The following USP47 variants were observed in gnomAD, a reference collection of about 807,000 sequenced individuals.
USP47 encodes the protein ubiquitin carboxyl-terminal hydrolase 47.
A neutral mutation model predicts 165.1 loss-of-function variants in USP47; 35 were observed. The observed-to-expected ratio is 0.21, with a 90% CI of 0.16 to 0.28. The LOEUF (loss-of-function observed/expected upper bound fraction) is 0.28, where lower values mean the gene tolerates loss of function less well. Ranked by LOEUF, USP47 falls within the 10% of genes least tolerant of loss-of-function variation. USP47 has a pLI of 1.00. For synonymous variants in USP47, 531 were observed against 544.5 expected, an observed-to-expected ratio of 0.98 and a Z score of 0.35; for missense variants, 1,277 against 1,607.4, an observed-to-expected ratio of 0.79 and a Z score of 3.52.
rs1856560546 is a variant in USP47, at chr11:11,956,396, A to G, written c.*221A>G. The stretch of plus-strand genomic sequence containing the variant: ...TAGTCAAATGTACTGTAAAGTGAAA[A>G]GGGATGTGCAAAAAAATAAAAAAAA... On this transcript the variant is annotated 3_prime_UTR_variant, in exon 28 of 28. Coordinates refer to ENST00000527733, the MANE Select transcript of USP47 (RefSeq NM_001282659.2). 2 of 381,768 alleles carry G rather than the reference A, an allele frequency of 5.2e-6. No individual in the cohort carries two copies. The highest frequency in any genetic ancestry group is 9.4e-6 in the Non-Finnish European group (2 of 213,650). The allele number at this position is 381,768 out of a possible 1,614,324, so 23.6% of individuals were successfully genotyped here.
At chr11:11,954,172 C>CCA (rs1306067262) in intron 25 of USP47, among the ~76,000 whole-genome samples, 7 of 152,190 alleles carry the variant, frequency 4.6e-5, no homozygotes, top group Middle Eastern at 3.4e-3. Flanking sequence ...ACTGCTTGAA[C>CCA]CCAGGAGGTG....
intron 1 of USP47, among the ~76,000 whole-genome samples, chr11:11,868,511 A>T (rs1208769431): frequency 6.6e-6 from 1 of 152,124 alleles, no homozygotes; most frequent in East Asian, 1.9e-4. Flanking sequence ...CATGATATGG[A>T]TGTACTATAA....
chr11:11,955,963 T>C (rs1211064311), intron 27 of USP47, 38 bp from the exon 28 acceptor site: 4 of 1,469,210 alleles, frequency 2.7e-6, no homozygotes, highest in Non-Finnish European at 2.7e-6. Context: ...GGTGGAGGGC[T>C]CTACTGGACT....
intron 1 of USP47, among the ~76,000 whole-genome samples, chr11:11,872,021 A>G (rs113511665): frequency 2.6e-5 from 4 of 152,212 alleles, no homozygotes; most frequent in African/African-American, 9.6e-5. Flanking sequence ...CTTTTGCTAT[A>G]TAACAATCTG....
At chr11:11,863,227 GTACTT>G (rs1365906284) in intron 1 of USP47, among the ~76,000 whole-genome samples, 10 of 152,192 alleles carry the variant, frequency 6.6e-5, no homozygotes, top group African/African-American at 1.9e-4. Context: ...TTTTAATGAT[GTACTT>G]TACTTCAGTT....
At chr11:11,913,675 A>G (rs780872466) in intron 8 of USP47, among the ~76,000 whole-genome samples, 3 of 152,048 alleles carry the variant, frequency 2.0e-5, no homozygotes, top group Admixed American at 6.6e-5. Flanking sequence ...ATACAGTTAG[A>G]TAGAATCAGT....
At chr11:11,929,952 T>C in intron 12 of USP47, 92 bp from the exon 13 acceptor site, 1 of 1,067,194 alleles carries the variant, frequency 9.4e-7, no homozygotes, top group African/African-American at 1.6e-5. Context: ...TTTGATAGCA[T>C]TTAACTCTGA....
chr11:11,896,730 A>G (rs879270964), intron 4 of USP47, among the ~76,000 whole-genome samples: 2 of 152,164 alleles, frequency 1.3e-5, no homozygotes, highest in African/African-American at 2.4e-5. Flanking sequence ...TAAAGGCTCT[A>G]ATACGGATTA....
chr11:11,912,960 TTATAA>T (rs1853110893), intron 8 of USP47, among the ~76,000 whole-genome samples: 1 of 152,042 alleles, frequency 6.6e-6, no homozygotes, highest in Non-Finnish European at 1.5e-5. Context: ...CAAAATTCAC[TTATAA>T]TAACTCAGAT....
chr11:11,908,652 T>C (rs2134492763), intron 8 of USP47, among the ~76,000 whole-genome samples: 1 of 152,198 alleles, frequency 6.6e-6, no homozygotes, highest in East Asian at 1.9e-4. Flanking sequence ...GCTGGGAGAC[T>C]TCTGCAGTTT....
Position 11,959,591 on chromosome 11 carries a change from C to A in USP47, c.*3416C>A, listed in dbSNP as rs1847365532. On this transcript the variant is annotated 3_prime_UTR_variant, in exon 28 of 28. Transcript: ENST00000527733. Reference sequence around the variant, plus strand: ...GAGGCTGTGATCATTTGGTTAGATACAGCATTAATTGTCACAACTTGACTT... The same window carrying A: ...GAGGCTGTGATCATTTGGTTAGATAAAGCATTAATTGTCACAACTTGACTT... Among the ~76,000 whole-genome samples, 1 of 152,176 alleles carries A rather than the reference C, an allele frequency of 6.6e-6. No homozygotes were observed. Among genetic ancestry groups the A allele is most frequent in the Non-Finnish European group, 1.5e-5 (1 of 68,026 alleles).
chr11:11,920,602 T>C, intron 10 of USP47, 108 bp downstream of exon 10: 3 of 1,005,798 alleles, frequency 3.0e-6, no homozygotes, highest in Non-Finnish European at 4.0e-6. Context: ...GACTGTCTTC[T>C]TGATGGAAAC....
rs771477579 is a variant in USP47, at chr11:11,938,313, A to G, written c.2134A>G (p.Ile712Val). The change falls in exon 18 of 28, where the codon ATA (isoleucine) becomes GTA (valine). Residue 712 changes from isoleucine (I) to valine (V), a missense_variant. Transcript: ENST00000527733. ...AAAGGCAGAATCTGTAGCTGCTCCT[A>G]TAACTGTTCGTGCTTACTTAAATCA... Reference protein sequence around the residue: ...DLKAESVAAPITVRAYLNQTV... With the variant: ...DLKAESVAAPVTVRAYLNQTV... 5.6e-6 allele frequency: 9 copies of G among 1,612,284 alleles called. No homozygotes were observed. The highest frequency in any genetic ancestry group is 4.4e-5 in the South Asian group (4 of 91,024).
At chr11:11,868,985 T>G (rs2134234796) in intron 1 of USP47, among the ~76,000 whole-genome samples, 1 of 152,278 alleles carries the variant, frequency 6.6e-6, no homozygotes, top group East Asian at 1.9e-4. Context: ...TGCTTTTTTT[T>G]GTAGGTTTTT....
intron 1 of USP47, among the ~76,000 whole-genome samples, chr11:11,847,571 C>A (rs1419476975): frequency 2.0e-5 from 3 of 152,156 alleles, no homozygotes; most frequent in Non-Finnish European, 4.4e-5. Context: ...TTATCGCCAT[C>A]TATTTATATG....
rs764157281 is a variant in USP47 at position 11,942,635 on chromosome 11, G to A, written c.2614G>A (p.Asp872Asn). 14 of 1,613,464 alleles carry A rather than the reference G, an allele frequency of 8.7e-6. No individual in the cohort carries two copies. The South Asian group carries it at 1.4e-4, about 16-fold the overall frequency. The change falls in exon 20 of 28, where the codon GAT (aspartate) becomes AAT (asparagine). Residue 872 changes from aspartate to asparagine, a missense_variant. Transcript: ENST00000527733. ...SLSLQQQQDG[D>N]NGDSSKSTET... ...GTCACTGCAGCAACAGCAGGATGGAGATAATGGGGACAGCAGCAAAAGTAC... is the reference window on the plus strand; with the variant it reads ...GTCACTGCAGCAACAGCAGGATGGAAATAATGGGGACAGCAGCAAAAGTAC...
chr11:11,949,790 T>C (rs1392264498), intron 22 of USP47, 99 bp from the exon 23 acceptor site: 3 of 777,276 alleles, frequency 3.9e-6, no homozygotes, highest in Non-Finnish European at 4.0e-6. Flanking sequence ...AGGCCCTTAA[T>C]TGCAAATAAA....
At chr11:11,936,557 C>A in intron 17 of USP47, 47 bp downstream of exon 17, 4 of 1,402,894 alleles carry the variant, frequency 2.9e-6, no homozygotes, top group South Asian at 1.7e-5. Context: ...TTAGAATTTT[C>A]ATGAGAAAGT....
At chr11:11,940,295 A>T in intron 18 of USP47, 134 bp from the exon 19 acceptor site, 1 of 896,936 alleles carries the variant, frequency 1.1e-6, no homozygotes. Flanking sequence ...CAAAAATTTT[A>T]AAACCTCTAC....
Sources: gnomAD v4.1 joint callset for allele counts (sites outside exome capture counted in the v4.1 genomes callset) on GRCh38, gnomAD v4.1.1 for gene constraint, MANE v1.5 for transcripts, NCBI Gene and HGNC (gene_info 2026-07-23, HGNC 2026-07-21) for gene names.